HAO2: variants seen among roughly 807,000 people sequenced by gnomAD.
The protein encoded by HAO2 is hydroxyacid oxidase 2.
In HAO2, 42 loss-of-function variants were observed where a neutral mutation model predicts 37.4. That is an observed-to-expected ratio of 1.12 (90% CI 0.88 to 1.45). HAO2 has a LOEUF of 1.45. HAO2 is among the 40% of genes most tolerant of loss of function. HAO2 has a pLI of 0.00. For synonymous variants in HAO2, 180 were observed against 162.8 expected, an observed-to-expected ratio of 1.11 and a Z score of -0.81; for missense variants, 476 against 430.2, an observed-to-expected ratio of 1.11 and a Z score of -0.94.
Position 119,392,660 on chromosome 1 carries a change from G to C in HAO2, c.973G>C (p.Glu325Gln). Residue 325 changes from glutamate (E) to glutamine (Q), a missense_variant, in exon 7 of 8, where the codon GAG becomes CAG. By Grantham distance (29) the Glu-to-Gln change is conservative (BLOSUM62 2). Transcript: ENST00000325945. ...VKEVLNILTN[E>Q]FHTSMALTGC... ...GGAAGTTTTGAACATTTTAACAAAT[G>C]AGTTCCACACTTCCATGGCCCTTAC... 6.2e-7 allele frequency: 1 copy of C among 1,608,302 alleles called. No homozygotes were observed. Among genetic ancestry groups the C allele is most frequent in the South Asian group, 1.1e-5 (1 of 90,930 alleles).
At chr1:119,387,232 C>G (rs964647359) in intron 5 of HAO2, among the ~76,000 whole-genome samples, 21 of 152,088 alleles carry the variant, frequency 1.4e-4, no homozygotes, top group African/African-American at 5.1e-4. Flanking sequence ...TAAAAACACC[C>G]TGATGTGTCT....
At chr1:119,370,790 G>C (rs1230742538) in intron 1 of HAO2, among the ~76,000 whole-genome samples, 1 of 152,126 alleles carries the variant, frequency 6.6e-6, no homozygotes, top group African/African-American at 2.4e-5. Flanking sequence ...GAAGCCAGGA[G>C]GAAGGCAAAG....
intron 1 of HAO2, chr1:119,380,597 G>A: frequency 1.2e-6 from 1 of 819,158 alleles, no homozygotes; most frequent in Non-Finnish European, 2.1e-6. Flanking sequence ...TGAAAATCCA[G>A]GGCCTAGAAA....
At chr1:119,378,270 A>G (rs1281561894) in intron 1 of HAO2, among the ~76,000 whole-genome samples, 7 of 152,110 alleles carry the variant, frequency 4.6e-5, no homozygotes, top group Non-Finnish European at 8.8e-5. Flanking sequence ...AACCCATCAG[A>G]TCTCATGAGA....
chr1:119,372,903 C>T (rs915330072), intron 1 of HAO2, among the ~76,000 whole-genome samples: 17 of 152,174 alleles, frequency 1.1e-4, no homozygotes, highest in Admixed American at 9.8e-4. Flanking sequence ...AAACAGCTCC[C>T]TGTGTTTATG....
chr1:119,391,384 G>A (rs1175740332), intron 5 of HAO2, among the ~76,000 whole-genome samples: 1 of 152,160 alleles, frequency 6.6e-6, no homozygotes, highest in African/African-American at 2.4e-5. Flanking sequence ...GCATAGATCG[G>A]CCTGGGGCAC....
chr1:119,380,479 C>G, intron 1 of HAO2: 1 of 489,642 alleles, frequency 2.0e-6, no homozygotes, highest in Non-Finnish European at 3.7e-6. Context: ...TTTGTCTTGT[C>G]CTTTCCCCAC....
At chr1:119,392,718 CT>C (rs767299550) in intron 7 of HAO2, 31 bp downstream of exon 7, 18 of 1,331,300 alleles carry the variant, frequency 1.4e-5, no homozygotes, top group Non-Finnish European at 2.0e-5. Flanking sequence ...TGATTTGGAA[CT>C]TAAAGCAGGA....
At chr1:119,376,816 C>A (rs1373079726) in intron 1 of HAO2, among the ~76,000 whole-genome samples, 1 of 152,202 alleles carries the variant, frequency 6.6e-6, no homozygotes, top group Non-Finnish European at 1.5e-5. Flanking sequence ...CCCTTTTAGC[C>A]ATGGCTGGAA....
chr1:119,379,484 A>T (rs1443665354), intron 1 of HAO2, among the ~76,000 whole-genome samples: 1 of 152,052 alleles, frequency 6.6e-6, no homozygotes, highest in Non-Finnish European at 1.5e-5. Context: ...ATGCACACAG[A>T]GTTGTAAATA....
At chr1:119,375,474 C>T (rs587776109) in intron 1 of HAO2, among the ~76,000 whole-genome samples, 19 of 151,974 alleles carry the variant, frequency 1.3e-4, no homozygotes, top group East Asian at 1.9e-4. Context: ...AAAATTATCT[C>T]GAGTTCAATA....
At chr1:119,381,327 C>G (rs113053640) in intron 2 of HAO2, 111 bp downstream of exon 2, 1 of 770,796 alleles carries the variant, frequency 1.3e-6, no homozygotes. Context: ...TCACTCAAGA[C>G]CTAATAATGT....
chr1:119,392,651 T>C lies in HAO2; in HGVS notation c.964T>C (p.Leu322=), dbSNP rs1311625135. The C allele has an allele frequency of 6.2e-6, 10 of 1,610,390 alleles. No homozygotes were observed. The highest frequency in any genetic ancestry group is 8.5e-6 in the Non-Finnish European group (10 of 1,176,688). Residue 322 remains leucine, a synonymous_variant, in exon 7 of 8, where the codon TTA becomes CTA. Transcript: ENST00000325945. ...TGGTGTTAAGGAAGTTTTGAACATT[T>C]TAACAAATGAGTTCCACACTTCCAT... ...EHGVKEVLNI[L]TNEFHTSMAL... is the part of the protein sequence containing the mutation.
At chr1:119,373,298 G>A (rs1357385294) in intron 1 of HAO2, among the ~76,000 whole-genome samples, 2 of 152,194 alleles carry the variant, frequency 1.3e-5, no homozygotes, top group African/African-American at 4.8e-5. Context: ...TCTTGGGTCT[G>A]TGCTGAGAAG....
intron 1 of HAO2, among the ~76,000 whole-genome samples, chr1:119,370,807 A>G (rs1227706277): frequency 6.6e-6 from 1 of 152,142 alleles, no homozygotes; most frequent in Non-Finnish European, 1.5e-5. Flanking sequence ...AAAGAGAGAA[A>G]AAACTGCACT....
In HAO2 at chr1:119,386,769, A is replaced by C. The variant is rs1351415495; in HGVS notation, c.709A>C (p.Asn237His). The C allele has an allele frequency of 6.2e-6, 10 of 1,613,900 alleles. No homozygotes were observed. The highest frequency in any genetic ancestry group is 3.3e-5 in the Admixed American group (2 of 60,014). ...KEDAELAVKH[N>H]VQGIIVSNHG... ...GGATGCAGAGTTAGCTGTGAAGCAC[A>C]ATGTCCAGGGTATCATTGTTTCCAA... The change falls in exon 5 of 8, where the codon AAT (asparagine) becomes CAT (histidine). Residue 237 changes from asparagine to histidine, a missense_variant. Coordinates refer to ENST00000325945, the MANE Select transcript of HAO2 (RefSeq NM_016527.4).
intron 1 of HAO2, chr1:119,380,502 A>T: frequency 1.9e-6 from 1 of 532,610 alleles, no homozygotes; most frequent in Non-Finnish European, 3.4e-6. Flanking sequence ...TGTAATCCAC[A>T]GCTCCAGACA....
chr1:119,386,599 A>T (rs774289826), intron 4 of HAO2, 23 bp from the exon 5 acceptor site: 5 of 1,452,604 alleles, frequency 3.4e-6, no homozygotes, highest in Non-Finnish European at 4.8e-6. Flanking sequence ...CTCAGGACTA[A>T]GTTCCCTTTT....
intron 5 of HAO2, among the ~76,000 whole-genome samples, chr1:119,389,825 G>A (rs1382290664): frequency 2.0e-5 from 3 of 151,996 alleles, no homozygotes; most frequent in African/African-American, 4.8e-5. Flanking sequence ...TGTTTTTACT[G>A]TATTTGCTTT....
Sources: allele counts gnomAD v4.1 joint callset (sites outside exome capture counted in the v4.1 genomes callset), GRCh38; gene constraint gnomAD v4.1.1; transcripts MANE v1.5; gene names NCBI Gene and HGNC (gene_info 2026-07-23, HGNC 2026-07-21).